Variants in DNM3 observed in about 807,000 individuals in gnomAD.
The protein encoded by DNM3 is dynamin-3.
Under a neutral mutation model 101.6 loss-of-function variants are expected in DNM3, and 47 were observed. That is an observed-to-expected ratio of 0.46 (90% CI 0.37 to 0.59). The LOEUF is 0.59. DNM3 is among the 20% of genes least tolerant of loss of function. The pLI, the probability that DNM3 is intolerant of heterozygous loss-of-function variation, is 0.00. For missense variants in DNM3, 849 were observed against 1,085.7 expected, an observed-to-expected ratio of 0.78 and a Z score of 3.06; for synonymous variants, 385 against 387.9, an observed-to-expected ratio of 0.99 and a Z score of 0.09.
intron 1 of DNM3, among the ~76,000 whole-genome samples, chr1:171,871,732 A>G (rs535346996): frequency 2.4e-4 from 36 of 152,284 alleles, no homozygotes; most frequent in African/African-American, 7.5e-4. Context: ...TAAATAGAAT[A>G]TTTAAAATGT....
chr1:172,050,664 A>G (rs1206137040), intron 10 of DNM3, among the ~76,000 whole-genome samples: 1 of 152,172 alleles, frequency 6.6e-6, no homozygotes, highest in Admixed American at 6.6e-5. Flanking sequence ...TGGCATTCAA[A>G]TTATTTCACA....
chr1:172,380,940 C>A (rs2068860454), intron 18 of DNM3: 1 of 149,534 alleles, frequency 6.7e-6, no homozygotes, highest in Admixed American at 6.7e-5. Context: ...CACTTCCTGC[C>A]TATAGCTGTG....
At chr1:171,841,867 T>G (rs777700702) in intron 1 of DNM3, 50 bp downstream of exon 1, 2 of 1,532,938 alleles carry the variant, frequency 1.3e-6, no homozygotes, top group African/African-American at 1.4e-5. Context: ...GCGACCCCGC[T>G]GCGGGCCGTT....
chr1:171,842,392 G>A (rs1327096605), intron 1 of DNM3, among the ~76,000 whole-genome samples: 1 of 152,164 alleles, frequency 6.6e-6, no homozygotes, highest in Non-Finnish European at 1.5e-5. Context: ...CGGGGTGCGA[G>A]GAGAAAGACG....
At chr1:171,896,819 A>T (rs1194288430) in intron 1 of DNM3, among the ~76,000 whole-genome samples, 1 of 152,202 alleles carries the variant, frequency 6.6e-6, no homozygotes, top group Non-Finnish European at 1.5e-5. Context: ...AGAAGAGTAG[A>T]TACTAATTCG....
intron 17 of DNM3, among the ~76,000 whole-genome samples, chr1:172,354,146 A>AGAGAGAGAGAGAGAGAGAGAG (rs1553242910): frequency 1.3e-5 from 2 of 150,914 alleles, no homozygotes; most frequent in African/African-American, 2.4e-5. Flanking sequence ...AGAGAGAAAT[A>AGAGAGAGAGAGAGAGAGAGAG]AGACATTTTT....
intron 10 of DNM3, among the ~76,000 whole-genome samples, chr1:172,055,239 A>G (rs2050510012): frequency 6.6e-6 from 1 of 152,032 alleles, no homozygotes; most frequent in South Asian, 2.1e-4. Context: ...TTAGCAGGCC[A>G]AGGAAACATG....
chr1:172,001,153 T>C (rs2046335640), intron 4 of DNM3, among the ~76,000 whole-genome samples: 1 of 152,018 alleles, frequency 6.6e-6, no homozygotes, highest in African/African-American at 2.4e-5. Flanking sequence ...GAAGAGGACA[T>C]GGAGACAGAT....
chr1:172,106,376 G>A (rs535891216), intron 13 of DNM3, among the ~76,000 whole-genome samples: 4 of 152,220 alleles, frequency 2.6e-5, no homozygotes, highest in African/African-American at 7.2e-5. Flanking sequence ...AGCCGACATC[G>A]TGCCACTGTA....
intron 17 of DNM3, among the ~76,000 whole-genome samples, chr1:172,365,175 G>A (rs971895499): frequency 6.6e-6 from 1 of 151,982 alleles, no homozygotes; most frequent in South Asian, 2.1e-4. Context: ...AATTATTAAT[G>A]TTTTAGATAA....
chr1:172,027,705 T>G (rs1007969871), intron 4 of DNM3, among the ~76,000 whole-genome samples: 1 of 149,256 alleles, frequency 6.7e-6, no homozygotes, highest in African/African-American at 2.5e-5. Context: ...ACACATAGAC[T>G]CAAAATAAAG....
intron 14 of DNM3, among the ~76,000 whole-genome samples, chr1:172,187,557 A>G (rs945526874): frequency 2.0e-5 from 3 of 152,012 alleles, no homozygotes; most frequent in African/African-American, 7.2e-5. Flanking sequence ...TGATCTATTC[A>G]ATGAGACTAT....
intron 4 of DNM3, among the ~76,000 whole-genome samples, chr1:172,018,771 T>A (rs971451777): frequency 3.9e-5 from 6 of 152,224 alleles, no homozygotes; most frequent in Non-Finnish European, 8.8e-5. Flanking sequence ...CAATTAAGGA[T>A]TGTTACCTTA....
chr1:171,921,868 C>T (rs536818164), intron 2 of DNM3, 47 bp downstream of exon 2: 8 of 1,531,060 alleles, frequency 5.2e-6, no homozygotes, highest in Non-Finnish European at 7.1e-6. Context: ...ATCCTGTGGC[C>T]CCTTTTGCCT....
rs78237617 is a variant in DNM3, at chr1:172,094,078, T to A, written c.1545+1203T>A. Among the ~76,000 whole-genome samples the A allele has an allele frequency of 5.2e-3, 797 of 152,320 alleles. 7 individuals are homozygous for A. The highest frequency in any genetic ancestry group is 0.017 in the African/African-American group (690 of 41,562). The stretch of plus-strand genomic sequence containing the variant: ...TCTGTCCTTTTATGCTATGTTGTTA[T>A]GAGGTGTAAGCCTTTCTCTTCCCCT... On this transcript the variant is annotated intron_variant, in intron 13 of 20. Coordinates refer to ENST00000627582, the MANE Select transcript of DNM3 (RefSeq NM_015569.5).
chr1:171,976,325 A>G (rs1382911112), intron 2 of DNM3, among the ~76,000 whole-genome samples: 1 of 152,236 alleles, frequency 6.6e-6, no homozygotes, highest in East Asian at 1.9e-4. Context: ...TAATTTATAA[A>G]AGAAAGAGGC....
chr1:172,340,759 G>A (rs924011102), intron 17 of DNM3, among the ~76,000 whole-genome samples: 4 of 152,208 alleles, frequency 2.6e-5, no homozygotes, highest in African/African-American at 4.8e-5. Flanking sequence ...AACAGGGACA[G>A]TATGACTTCC....
chr1:172,265,321 A>G (rs1047917594), intron 15 of DNM3, among the ~76,000 whole-genome samples: 9 of 151,936 alleles, frequency 5.9e-5, no homozygotes, highest in Admixed American at 2.0e-4. Context: ...CAGATTTTTG[A>G]GCCATTTTAA....
chr1:172,394,957 A>C (rs1006704660), intron 20 of DNM3, among the ~76,000 whole-genome samples: 3 of 152,184 alleles, frequency 2.0e-5, no homozygotes, highest in Non-Finnish European at 1.5e-5. Flanking sequence ...TCATCACTGC[A>C]CTTCGTTGTT....
Sources: allele counts gnomAD v4.1 joint callset (sites outside exome capture counted in the v4.1 genomes callset), GRCh38; gene constraint gnomAD v4.1.1; transcripts MANE v1.5; gene names NCBI Gene and HGNC (gene_info 2026-07-23, HGNC 2026-07-21).